PNMA8B: variants seen among roughly 807,000 people sequenced by gnomAD.
PNMA8B encodes paraneoplastic antigen-like protein 8B.
For synonymous variants in PNMA8B, 386 were observed against 394.9 expected (o/e 0.98, Z 0.27); for missense variants, 887 against 885.8 (o/e 1.00, Z -0.02).
rs761589351 is a variant in PNMA8B at position 46,495,098 on chromosome 19, G to A, written c.368C>T (p.Thr123Ile). ...GGGAGGGGTGGGTGCCTCCCCGGGGGTCCCAGCCTCCGCGGCCTGCGTGGG... is the reference window on the plus strand; with the variant it reads ...GGGAGGGGTGGGTGCCTCCCCGGGGATCCCAGCCTCCGCGGCCTGCGTGGG... Reference protein sequence around the residue: ...DGPTQAAEAGTPGEAPTPPAS... With the variant: ...DGPTQAAEAGIPGEAPTPPAS... Residue 123 changes from threonine (T) to isoleucine (I), a missense_variant, in exon 1 of 1, where the codon ACC becomes ATC. By Grantham distance (89) the Thr-to-Ile change is moderately conservative. Transcript: ENST00000599531. The A allele has an allele frequency of 4.3e-6, 7 of 1,613,142 alleles. No individual in the cohort carries two copies. The Middle Eastern group carries it at 6.6e-4, about 152-fold the overall frequency.
rs574122298 is a variant in PNMA8B at position 46,492,055 on chromosome 19, C to T, written c.*1503G>A. 79 of 327,874 alleles carry T rather than the reference C, an allele frequency of 2.4e-4. No individual in the cohort carries two copies. Among genetic ancestry groups the T allele is most frequent in the African/African-American group, 1.5e-3 (72 of 46,744 alleles). 20.3% of individuals were successfully genotyped at this position (327,874 alleles called of 1,614,324 possible). A position where few individuals can be genotyped will look rare whatever the true frequency, so the allele number is the denominator to read the frequency against. ...GCCTCCAAGCAGAGGGGAGCACCCA[C>T]GCCCTGCAGCAGGTCTCAGTCAGCT... is the stretch of plus-strand genomic sequence containing the variant. On this transcript the variant is annotated 3_prime_UTR_variant, in exon 1 of 1. Transcript: ENST00000599531.
Position 46,493,885 on chromosome 19 carries a change from G to A in PNMA8B, c.1581C>T (p.Asp527=), listed in dbSNP as rs758913922. 6 of 1,552,994 alleles carry A rather than the reference G, an allele frequency of 3.9e-6. No individual in the cohort carries two copies. The highest frequency in any genetic ancestry group is 2.0e-5 in the Admixed American group (1 of 49,688). ...TGGCCCGGGGCTTCCTGGATGCCCTGTCCTCCGGCTCCGACGCCTCGCTCT... is the reference window on the plus strand; with the variant it reads ...TGGCCCGGGGCTTCCTGGATGCCCTATCCTCCGGCTCCGACGCCTCGCTCT... ...DTESEASEPE[D]RASRKPRAKR... The change falls in exon 1 of 1, where the codon GAC becomes GAT. Residue 527 remains aspartate (D), a synonymous_variant. Coordinates refer to ENST00000599531, the MANE Select transcript of PNMA8B (RefSeq NM_020709.3). The surrounding 1 kb of genome is among the most constrained non-coding windows in gnomAD (Gnocchi z 5.3).
rs1970031922 is a variant in PNMA8B, at chr19:46,493,308, C to T, written c.*250G>A. ...GGCGCGTCCCCATCTCGGCCCTGCG[C>T]TGCTGCCTCGGGCGCCCACTTCTCT... is the stretch of plus-strand genomic sequence containing the variant. On this transcript the variant is annotated 3_prime_UTR_variant, in exon 1 of 1. Transcript: ENST00000599531. The surrounding 1 kb of genome is among the most constrained non-coding windows in gnomAD (Gnocchi z 5.3). 1 of 382,632 alleles carries T rather than the reference C, an allele frequency of 2.6e-6. No individual in the cohort carries two copies. The highest frequency in any genetic ancestry group is 1.4e-4 in the South Asian group (1 of 7,352). 23.7% of individuals were successfully genotyped at this position (382,632 alleles called of 1,614,324 possible).
In PNMA8B at chr19:46,493,211, C is replaced by G. The variant is rs761284371; in HGVS notation, c.*347G>C. ...GAGCGCCACGAAGAGCCCTGCTCGC[C>G]TCTGCAGGTGCCCGGCGTCCACACA... On this transcript the variant is annotated 3_prime_UTR_variant, in exon 1 of 1. Transcript: ENST00000599531. This position sits in a 1 kb window ranked among gnomAD's most constrained non-coding sequence, Gnocchi z 5.3. The G allele has an allele frequency of 1.8e-4, 40 of 217,902 alleles. No individual in the cohort carries two copies. The highest frequency in any genetic ancestry group is 3.0e-4 in the Non-Finnish European group (33 of 110,790). The allele number at this position is 217,902 out of a possible 1,614,324, so 13.5% of individuals were successfully genotyped here. A position where few individuals can be genotyped will look rare whatever the true frequency, so the allele number is the denominator to read the frequency against.
rs1385886487 is a variant in PNMA8B at position 46,493,127 on chromosome 19, C to T, written c.*431G>A. The T allele has an allele frequency of 6.2e-6, 1 of 162,280 alleles. No homozygotes were observed. Among genetic ancestry groups the T allele is most frequent in the African/African-American group, 2.4e-5 (1 of 41,892 alleles). The allele number at this position is 162,280 out of a possible 1,614,324, so 10.1% of individuals were successfully genotyped here. ...GAGCCTCCACCACAGACCCAGGGCC[C>T]AGTCAGACTGGGGTAGGGGCGACAG... On this transcript the variant is annotated 3_prime_UTR_variant, in exon 1 of 1. Transcript: ENST00000599531. This position sits in a 1 kb window ranked among gnomAD's most constrained non-coding sequence, Gnocchi z 5.3.
chr19:46,495,195 C>T lies in PNMA8B; in HGVS notation c.271G>A (p.Val91Ile). 6.2e-7 allele frequency: 1 copy of T among 1,613,958 alleles called. No individual in the cohort carries two copies. Among genetic ancestry groups the T allele is most frequent in the Non-Finnish European group, 8.5e-7 (1 of 1,179,818 alleles). ...TCCTGCGCACGGTCCTTCCACAGAA[C>T]CCTCCAGACCCCATCCTTGCCTGGG... ...EIPGKDGVWR[V>I]LWKDRAQDTR... The change falls in exon 1 of 1, where the codon GTT becomes ATT. Residue 91 changes from valine (V) to isoleucine (I), a missense_variant. Coordinates refer to ENST00000599531, the MANE Select transcript of PNMA8B (RefSeq NM_020709.3).
chr19:46,493,570 A>G lies in PNMA8B; in HGVS notation c.1896T>C (p.Pro632=). ...TCTTGGGGGGCCACTAGCGGCATTT[A>G]GGGGGCAGCCTCCGGCCCCGACGGG... ...KKARRGRRLP[P]KCR is the part of the protein sequence containing the mutation. The change falls in exon 1 of 1, where the codon CCT becomes CCC. Residue 632 remains proline (P), a synonymous_variant. Transcript: ENST00000599531. This position sits in a 1 kb window ranked among gnomAD's most constrained non-coding sequence, Gnocchi z 5.3. 1.4e-6 allele frequency: 2 copies of G among 1,427,702 alleles called. No homozygotes were observed. The highest frequency in any genetic ancestry group is 1.8e-6 in the Non-Finnish European group (2 of 1,097,422). 88.4% of individuals were successfully genotyped at this position (1,427,702 alleles called of 1,614,324 possible). A position where few individuals can be genotyped will look rare whatever the true frequency, so the allele number is the denominator to read the frequency against.
chr19:46,495,796 G>A lies in PNMA8B; in HGVS notation c.-331C>T, dbSNP rs1970086840. 7.7e-6 allele frequency: 2 copies of A among 261,160 alleles called. No homozygotes were observed. The highest frequency in any genetic ancestry group is 1.6e-5 in the Non-Finnish European group (2 of 127,658). 16.2% of individuals were successfully genotyped at this position (261,160 alleles called of 1,614,324 possible). On this transcript the variant is annotated 5_prime_UTR_variant, in exon 1 of 1. Transcript: ENST00000599531. Reference sequence around the variant, plus strand: ...TCGGCACCGCAGCCAGGTGCAGGGGGGCGGCGCCGAGTGCACCTGGAGAGG... The same window carrying A: ...TCGGCACCGCAGCCAGGTGCAGGGGAGCGGCGCCGAGTGCACCTGGAGAGG...
At position 46,494,417 on chromosome 19, in the gene PNMA8B, A is replaced by G. The variant is rs745568597; in HGVS notation, c.1049T>C (p.Met350Thr). 6.2e-7 allele frequency: 1 copy of G among 1,613,624 alleles called. No individual in the cohort carries two copies. Among genetic ancestry groups the G allele is most frequent in the Admixed American group, 1.7e-5 (1 of 60,022 alleles). ...CTCGATAACAGAAGCGATTTTCAAC[A>G]TCTCCTCCCGGGCCCAGGGGTCCGA... ...DPSDPWAREE[M>T]LKIASVIESL... Residue 350 changes from methionine (M) to threonine (T), a missense_variant, in exon 1 of 1, where the codon ATG (methionine) becomes ACG (threonine). Transcript: ENST00000599531.
rs1970083184 is a variant in PNMA8B at position 46,495,547 on chromosome 19, C to A, written c.-82G>T. ...GCTGCAGCGCACGGTGTCAATGCAACCCTAGAAAGCCACTTGCAGGGCTTA... is the reference window on the plus strand; with the variant it reads ...GCTGCAGCGCACGGTGTCAATGCAAACCTAGAAAGCCACTTGCAGGGCTTA... On this transcript the variant is annotated 5_prime_UTR_variant, in exon 1 of 1. Transcript: ENST00000599531. 4 of 1,478,680 alleles carry A rather than the reference C, an allele frequency of 2.7e-6. No homozygotes were observed. The South Asian group carries it at 5.5e-5, about 20-fold the overall frequency. 91.6% of individuals were successfully genotyped at this position (1,478,680 alleles called of 1,614,324 possible).
Position 46,495,153 on chromosome 19 carries a change from G to A in PNMA8B, c.313C>T (p.Gln105Ter). The change falls in exon 1 of 1, where the codon CAG becomes TAG. Residue 105 changes from glutamine to a stop codon, truncating the protein, a stop_gained. Transcript: ENST00000599531. LOFTEE classifies it low-confidence loss of function (END_TRUNC). ...TCATCCAGCAGCAGGCGTCTCATCT[G>A]CCTCAGGACCCTCGTGTCCTGCGCA... is the stretch of plus-strand genomic sequence containing the variant. ...DRAQDTRVLR[Q>*]MRRLLLDDGP... 1 of 1,613,932 alleles carries A rather than the reference G, an allele frequency of 6.2e-7. No individual in the cohort carries two copies. Among genetic ancestry groups the A allele is most frequent in the South Asian group, 1.1e-5 (1 of 91,090 alleles).
chr19:46,493,686 T>TCTTCTTC lies in PNMA8B; in HGVS notation c.1773_1779dup (p.Lys594GlufsTer42). 13 of 1,534,200 alleles carry TCTTCTTC rather than the reference T, an allele frequency of 8.5e-6. No homozygotes were observed. Among genetic ancestry groups the TCTTCTTC allele is most frequent in the Non-Finnish European group, 1.1e-5 (13 of 1,149,120 alleles). ...TGGGCCCCGGCGCCCGCGCTCCCCTTCTTCTTCCTGCTTCCTGCGGCGTCG... is the reference window on the plus strand; with the variant it reads ...TGGGCCCCGGCGCCCGCGCTCCCCTTCTTCTTCCTTCTTCCTGCTTCCTGCGGCGTCG... On this transcript the variant is annotated frameshift_variant, in exon 1 of 1. Transcript: ENST00000599531. LOFTEE classifies it low-confidence loss of function (END_TRUNC). The surrounding 1 kb of genome is among the most constrained non-coding windows in gnomAD (Gnocchi z 5.3).
rs149291954 is a variant in PNMA8B at position 46,493,676 on chromosome 19, G to A, written c.1790C>T (p.Ala597Val). ...TGCCCTGGCATGGGCCCCGGCGCCC[G>A]CGCTCCCCTTCTTCTTCCTGCTTCC... The part of the protein sequence containing the change: ...AAGSRKKKGS[A>V]GAGAHARAGE... The change falls in exon 1 of 1, where the codon GCG becomes GTG. Residue 597 changes from alanine to valine, a missense_variant. Physicochemically the swap from Ala to Val is moderately conservative, Grantham distance 64. Transcript: ENST00000599531. The surrounding 1 kb of genome is among the most constrained non-coding windows in gnomAD (Gnocchi z 5.3). 3.7e-3 allele frequency: 5,658 copies of A among 1,532,124 alleles called. 177 individuals are homozygous for A. The African/African-American group carries it at 0.07, about 19-fold the overall frequency. 94.9% of individuals were successfully genotyped at this position (1,532,124 alleles called of 1,614,324 possible). A position where few individuals can be genotyped will look rare whatever the true frequency, so the allele number is the denominator to read the frequency against.
chr19:46,495,407 G>T lies in PNMA8B; in HGVS notation c.59C>A (p.Ala20Asp). 1 of 1,433,416 alleles carries T rather than the reference G, an allele frequency of 7.0e-7. No homozygotes were observed. Among genetic ancestry groups the T allele is most frequent in the Non-Finnish European group, 9.8e-7 (1 of 1,016,344 alleles). 88.8% of individuals were successfully genotyped at this position (1,433,416 alleles called of 1,614,324 possible). The change falls in exon 1 of 1, where the codon GCC becomes GAC. Residue 20 changes from alanine to aspartate, a missense_variant. Ala to Asp is a moderately radical substitution (Grantham distance 126). Coordinates refer to ENST00000599531, the MANE Select transcript of PNMA8B (RefSeq NM_020709.3). ...CTCCGGGATGCCGGTGACCAGCAGGGCCCTGTGCGCGTCCACGTCCAGGCT... is the reference window on the plus strand; with the variant it reads ...CTCCGGGATGCCGGTGACCAGCAGGTCCCTGTGCGCGTCCACGTCCAGGCT... ...CRSLDVDAHR[A>D]LLVTGIPEGL... is the part of the protein sequence containing the mutation.
At position 46,494,103 on chromosome 19, in the gene PNMA8B, G is replaced by C. The variant is rs756464861; in HGVS notation, c.1363C>G (p.Leu455Val). The C allele has an allele frequency of 6.2e-7, 1 of 1,612,554 alleles. No homozygotes were observed. The highest frequency in any genetic ancestry group is 1.1e-5 in the South Asian group (1 of 91,078). Reference protein sequence around the residue: ...EGGLLELVALLAAQDMAEVMK... With the variant: ...EGGLLELVALVAAQDMAEVMK... ...ACCTCCGCCATGTCCTGGGCAGCCA[G>C]GAGCGCCACCAGCTCCAGAAGACCC... The change falls in exon 1 of 1, where the codon CTG (leucine) becomes GTG (valine). Residue 455 changes from leucine to valine, a missense_variant. Transcript: ENST00000599531.
In PNMA8B at chr19:46,494,056, G is replaced by C; in HGVS notation, c.1410C>G (p.Asn470Lys). The C allele has an allele frequency of 6.2e-7, 1 of 1,613,520 alleles. No homozygotes were observed. Among genetic ancestry groups the C allele is most frequent in the Admixed American group, 1.7e-5 (1 of 60,026 alleles). Residue 470 changes from asparagine (N) to lysine (K), a missense_variant, in exon 1 of 1, where the codon AAC becomes AAG. Coordinates refer to ENST00000599531, the MANE Select transcript of PNMA8B (RefSeq NM_020709.3). ...MAEVMKEEKE[N>K]AWEGGKYKYP... Reference sequence around the variant, plus strand: ...ATTTGTACTTCCCGCCTTCCCAGGCGTTTTCTTTTTCCTCCTTCATCACCT... The same window carrying C: ...ATTTGTACTTCCCGCCTTCCCAGGCCTTTTCTTTTTCCTCCTTCATCACCT...
Position 46,494,083 on chromosome 19 carries a change from C to T in PNMA8B, c.1383G>A (p.Ala461=), listed in dbSNP as rs1212627683. 3 of 1,613,056 alleles carry T rather than the reference C, an allele frequency of 1.9e-6. No homozygotes were observed. Among genetic ancestry groups the T allele is most frequent in the East Asian group, 2.2e-5 (1 of 44,882 alleles). ...LVALLAAQDM[A]EVMKEEKENA... is the part of the protein sequence containing the mutation. ...TTTCTTTTTCCTCCTTCATCACCTC[C>T]GCCATGTCCTGGGCAGCCAGGAGCG... The change falls in exon 1 of 1, where the codon GCG becomes GCA. Residue 461 remains alanine (A), a synonymous_variant. Transcript: ENST00000599531.
Position 46,494,376 on chromosome 19 carries a change from C to T in PNMA8B, c.1090G>A (p.Asp364Asn). The T allele has an allele frequency of 6.2e-7, 1 of 1,613,416 alleles. No individual in the cohort carries two copies. Among genetic ancestry groups the T allele is most frequent in the Non-Finnish European group, 8.5e-7 (1 of 1,179,904 alleles). The change falls in exon 1 of 1, where the codon GAC becomes AAC. Residue 364 changes from aspartate (D) to asparagine (N), a missense_variant. By Grantham distance (23) the Asp-to-Asn change is conservative (BLOSUM62 1). Coordinates refer to ENST00000599531, the MANE Select transcript of PNMA8B (RefSeq NM_020709.3). The part of the protein sequence containing the change: ...ASVIESLGWS[D>N]EKDKRDPLRQ... ...AGGGGGTCTCGCTTGTCTTTCTCGT[C>T]GCTCCAGCCCAGCGACTCGATAACA... is the stretch of plus-strand genomic sequence containing the variant.
In PNMA8B at chr19:46,493,407, G is replaced by C; in HGVS notation, c.*151C>G. On this transcript the variant is annotated 3_prime_UTR_variant, in exon 1 of 1. Transcript: ENST00000599531. The surrounding 1 kb of genome is among the most constrained non-coding windows in gnomAD (Gnocchi z 5.3). The stretch of plus-strand genomic sequence containing the variant: ...GCCTGCGAGGGCCCGAGAGGGGAAC[G>C]TGACGCTGGCAAAACGCGGCCCGGG... The C allele has an allele frequency of 2.1e-6, 1 of 472,564 alleles. No homozygotes were observed. The highest frequency in any genetic ancestry group is 3.4e-6 in the Non-Finnish European group (1 of 292,448). The allele number at this position is 472,564 out of a possible 1,614,324, so 29.3% of individuals were successfully genotyped here. A position where few individuals can be genotyped will look rare whatever the true frequency, so the allele number is the denominator to read the frequency against.
Sources: allele counts gnomAD v4.1 joint callset, GRCh38; gene constraint gnomAD v4.1.1; non-coding constraint Gnocchi (gnomAD v3.1); transcripts MANE v1.5; gene names NCBI Gene and HGNC (gene_info 2026-07-23, HGNC 2026-07-21).